SLC35F4: variants seen among roughly 807,000 people sequenced by gnomAD.
SLC35F4 encodes the protein solute carrier family 35 member F4.
In SLC35F4, 24 loss-of-function variants were observed where a neutral mutation model predicts 44.2. The ratio of observed to expected loss-of-function variants is 0.54; its 90% CI spans 0.39 to 0.76. The LOEUF is 0.76. Among genes scored for constraint, SLC35F4 ranks in the 30% least tolerant of loss-of-function variants. The pLI, the probability that SLC35F4 is intolerant of heterozygous loss-of-function variation, is 0.00. For synonymous variants in SLC35F4, 238 were observed against 223.6 expected (o/e 1.06, Z -0.57); for missense variants, 562 against 586.1 (o/e 0.96, Z 0.42).
At chr14:57,668,392 T>A (rs960590329) in intron 1 of SLC35F4, among the ~76,000 whole-genome samples, 4 of 152,020 alleles carry the variant, frequency 2.6e-5, no homozygotes, top group African/African-American at 9.7e-5. Context: ...GTTTTAGACA[T>A]GAAGTCCTTG....
At chr14:57,838,386 G>A (rs150852160) in intron 1 of SLC35F4, among the ~76,000 whole-genome samples, 6 of 152,258 alleles carry the variant, frequency 3.9e-5, no homozygotes, top group African/African-American at 1.4e-4. Context: ...TTCTAGTCAG[G>A]GGCCAGCAAT....
chr14:57,625,852 C>G (rs1193257975), intron 1 of SLC35F4, among the ~76,000 whole-genome samples: 1 of 152,154 alleles, frequency 6.6e-6, no homozygotes, highest in Non-Finnish European at 1.5e-5. Context: ...ATAAATCATT[C>G]TACTATAAAG....
intron 7 of SLC35F4, among the ~76,000 whole-genome samples, chr14:57,566,054 G>A (rs1415736231): frequency 6.6e-6 from 1 of 152,092 alleles, no homozygotes; most frequent in East Asian, 1.9e-4. Context: ...TCTGCCCCAG[G>A]AGAGCTTTCC....
chr14:57,941,218 T>G (rs1889911076), intron 1 of SLC35F4, among the ~76,000 whole-genome samples: 1 of 152,090 alleles, frequency 6.6e-6, no homozygotes, highest in African/African-American at 2.4e-5. Flanking sequence ...AAACAGGAAC[T>G]CAAACAAATA....
intron 1 of SLC35F4, among the ~76,000 whole-genome samples, chr14:57,805,528 C>T (rs760974968): frequency 6.6e-6 from 1 of 152,092 alleles, no homozygotes; most frequent in Non-Finnish European, 1.5e-5. Context: ...AATAGAAAAC[C>T]AAACACCCCA....
At chr14:57,876,727 AT>A (rs1888407104) in intron 1 of SLC35F4, among the ~76,000 whole-genome samples, 1 of 152,186 alleles carries the variant, frequency 6.6e-6, no homozygotes, top group African/African-American at 2.4e-5. Flanking sequence ...ATAAATTTTC[AT>A]CTAAAATCTC....
intron 1 of SLC35F4, among the ~76,000 whole-genome samples, chr14:57,847,497 T>C (rs1886140465): frequency 6.6e-6 from 1 of 152,194 alleles, no homozygotes; most frequent in African/African-American, 2.4e-5. Flanking sequence ...TGAAAAATAT[T>C]TTCTTCAGAT....
intron 1 of SLC35F4, among the ~76,000 whole-genome samples, chr14:57,620,496 A>G (rs536469807): frequency 1.8e-4 from 28 of 152,304 alleles, no homozygotes; most frequent in African/African-American, 6.5e-4. Flanking sequence ...ATGCTGAGAG[A>G]TTCTGTCACC....
intron 4 of SLC35F4, chr14:57,580,626 TTGG>T (rs2069178170): frequency 4.4e-6 from 1 of 229,476 alleles, no homozygotes; most frequent in Non-Finnish European, 9.0e-6. Context: ...ACTGAAGTTG[TTGG>T]TGGAAGTTTA....
chr14:57,744,512 C>T (rs1212305000), intron 1 of SLC35F4, among the ~76,000 whole-genome samples: 2 of 152,048 alleles, frequency 1.3e-5, no homozygotes, highest in Non-Finnish European at 2.9e-5. Context: ...AGGAATCCAA[C>T]TTACAAGGGA....
At chr14:57,852,940 A>T (rs909623518) in intron 1 of SLC35F4, among the ~76,000 whole-genome samples, 6 of 152,236 alleles carry the variant, frequency 3.9e-5, no homozygotes, top group Non-Finnish European at 8.8e-5. Flanking sequence ...ACCATTACTG[A>T]CATCTCACTA....
intron 1 of SLC35F4, among the ~76,000 whole-genome samples, chr14:57,941,516 G>A (rs2141073145): frequency 1.3e-5 from 2 of 152,252 alleles, no homozygotes; most frequent in South Asian, 4.1e-4. Flanking sequence ...TAGATTAGAG[G>A]TTGTTTAGGG....
intron 1 of SLC35F4, among the ~76,000 whole-genome samples, chr14:57,628,959 A>G (rs2072623135): frequency 6.6e-6 from 1 of 152,172 alleles, no homozygotes; most frequent in Admixed American, 6.6e-5. Flanking sequence ...AACAGTGATG[A>G]TAACAGCACA....
intron 1 of SLC35F4, among the ~76,000 whole-genome samples, chr14:57,761,450 A>C (rs948859353): frequency 6.6e-5 from 10 of 152,208 alleles, no homozygotes; most frequent in Non-Finnish European, 1.5e-4. Flanking sequence ...TACATTATAA[A>C]AGTCTACATA....
chr14:57,898,755 T>C (rs1048284514), intron 1 of SLC35F4, among the ~76,000 whole-genome samples: 3 of 152,206 alleles, frequency 2.0e-5, no homozygotes, highest in Admixed American at 6.5e-5. Flanking sequence ...TGGAAATAAA[T>C]ATCCAGTTTT....
intron 1 of SLC35F4, among the ~76,000 whole-genome samples, chr14:57,945,021 T>C (rs1434511019): frequency 1.3e-5 from 2 of 152,204 alleles, no homozygotes; most frequent in Non-Finnish European, 2.9e-5. Flanking sequence ...TATCTCAAAA[T>C]AATTATGTAA....
intron 4 of SLC35F4, among the ~76,000 whole-genome samples, chr14:57,580,249 A>C (rs2069150449): frequency 6.6e-6 from 1 of 152,216 alleles, no homozygotes; most frequent in Admixed American, 6.5e-5. Flanking sequence ...AATGACCATC[A>C]TAAACCCTCT....
At chr14:57,754,970 A>AAG (rs1474745588) in intron 1 of SLC35F4, among the ~76,000 whole-genome samples, 1 of 152,174 alleles carries the variant, frequency 6.6e-6, no homozygotes, top group Admixed American at 6.5e-5. Context: ...GAAATCTGGC[A>AAG]AGAGAGTCAG....
intron 1 of SLC35F4, among the ~76,000 whole-genome samples, chr14:57,904,600 T>C (rs1352067020): frequency 6.6e-6 from 1 of 152,194 alleles, no homozygotes; most frequent in African/African-American, 2.4e-5. Context: ...TTTGGATCTC[T>C]TTGCCTTTTT....
Sources: allele counts gnomAD v4.1 joint callset (sites outside exome capture counted in the v4.1 genomes callset), GRCh38; gene constraint gnomAD v4.1.1; transcripts MANE v1.5; gene names NCBI Gene and HGNC (gene_info 2026-07-23, HGNC 2026-07-21).